The following ADAMTS6 variants were observed in gnomAD, a reference collection of about 807,000 sequenced individuals.
The protein encoded by ADAMTS6 is ADAM metallopeptidase with thrombospondin type 1 motif 6.
Under a neutral mutation model 144.3 loss-of-function variants are expected in ADAMTS6, and 23 were observed. That is an observed-to-expected ratio of 0.16 (90% CI 0.11 to 0.23). The LOEUF (loss-of-function observed/expected upper bound fraction) is 0.23, where lower values mean the gene tolerates loss of function less well. Among genes scored for constraint, ADAMTS6 ranks in the 10% least tolerant of loss-of-function variants. The pLI is 1.00. For synonymous variants in ADAMTS6, 444 were observed against 457.5 expected, an observed-to-expected ratio of 0.97 and a Z score of 0.38; for missense variants, 999 against 1,379.6, an observed-to-expected ratio of 0.72 and a Z score of 4.37.
At chr5:65,441,630 A>G (rs1757860307) in intron 7 of ADAMTS6, among the ~76,000 whole-genome samples, 1 of 152,154 alleles carries the variant, frequency 6.6e-6, no homozygotes, top group African/African-American at 2.4e-5. Context: ...CATTCTTTTC[A>G]AGCGCACCCA....
At chr5:65,244,949 A>G (rs1303184031) in intron 14 of ADAMTS6, among the ~76,000 whole-genome samples, 1 of 152,138 alleles carries the variant, frequency 6.6e-6, no homozygotes, top group Admixed American at 6.6e-5. Flanking sequence ...TTGTAAAATG[A>G]GAGGGATAAA....
chr5:65,427,218 T>C (rs1027813749), intron 7 of ADAMTS6, among the ~76,000 whole-genome samples: 4 of 152,056 alleles, frequency 2.6e-5, no homozygotes, highest in African/African-American at 9.7e-5. Flanking sequence ...ATTGAATAAA[T>C]TTTCTATTTT....
At chr5:65,270,488 C>A (rs149757232) in intron 12 of ADAMTS6, among the ~76,000 whole-genome samples, 89 of 152,264 alleles carry the variant, frequency 5.8e-4, no homozygotes, top group African/African-American at 2.0e-3. Flanking sequence ...CTTAAAAATG[C>A]AGGCTGATTT....
At chr5:65,157,033 C>T (rs1752466232) in intron 24 of ADAMTS6, among the ~76,000 whole-genome samples, 1 of 152,220 alleles carries the variant, frequency 6.6e-6, no homozygotes, top group Admixed American at 6.5e-5. Flanking sequence ...ACGGAGAATT[C>T]CCAAATTCTT....
rs78422686 is a variant in ADAMTS6 at position 65,297,115 on chromosome 5, G to C, written c.1370+2870C>G. 7.3e-3 allele frequency: 3,165 copies of C among 434,564 alleles called. 21 individuals are homozygous for C. The highest frequency in any genetic ancestry group is 0.011 in the Non-Finnish European group (2,439 of 219,138). 26.9% of individuals were successfully genotyped at this position (434,564 alleles called of 1,614,324 possible). ...AGATAGGAAAGACACTACCTGCAAA[G>C]CCGTCGCCGGAAAACATCAGAAGCT... On this transcript the variant is annotated intron_variant, in intron 10 of 24. Transcript: ENST00000381055.
intron 10 of ADAMTS6, among the ~76,000 whole-genome samples, chr5:65,297,715 C>T (rs1451167859): frequency 2.6e-5 from 4 of 152,044 alleles, no homozygotes; most frequent in African/African-American, 9.7e-5. Flanking sequence ...CTTTGTGCTC[C>T]GGTGAACTGA....
chr5:65,188,055 C>G lies in ADAMTS6; in HGVS notation c.2871G>C (p.Gln957His). The change falls in exon 22 of 25, where the codon CAG becomes CAC. Residue 957 changes from glutamine (Q) to histidine (H), a missense_variant. Gln to His is a conservative substitution (Grantham distance 24, BLOSUM62 0). Coordinates refer to ENST00000381055, the MANE Select transcript of ADAMTS6 (RefSeq NM_197941.4). ...AAGCCACCCACTGTGGTGGACATGACTGGTTGTTGCAGGGCTCTTTTTCGA... is the reference window on the plus strand; with the variant it reads ...AAGCCACCCACTGTGGTGGACATGAGTGGTTGTTGCAGGGCTCTTTTTCGA... ...RPVEKEPCNNQSCPPQWVALD... is the reference protein window; with the variant it reads ...RPVEKEPCNNHSCPPQWVALD... The G allele has an allele frequency of 6.2e-7, 1 of 1,614,138 alleles. No individual in the cohort carries two copies. Among genetic ancestry groups the G allele is most frequent in the Non-Finnish European group, 8.5e-7 (1 of 1,179,994 alleles).
At chr5:65,248,124 T>C (rs1759793401) in intron 14 of ADAMTS6, among the ~76,000 whole-genome samples, 1 of 152,162 alleles carries the variant, frequency 6.6e-6, no homozygotes, top group African/African-American at 2.4e-5. Context: ...CTTTTAAAAG[T>C]TGCAAACAAA....
At chr5:65,447,042 T>C (rs1758323187) in intron 7 of ADAMTS6, among the ~76,000 whole-genome samples, 1 of 152,172 alleles carries the variant, frequency 6.6e-6, no homozygotes, top group African/African-American at 2.4e-5. Flanking sequence ...TTACGTATTA[T>C]TATCTTAAAA....
chr5:65,320,960 T>C (rs1253983765), intron 9 of ADAMTS6, among the ~76,000 whole-genome samples: 1 of 152,138 alleles, frequency 6.6e-6, no homozygotes, highest in African/African-American at 2.4e-5. Context: ...TCGATGGCCA[T>C]TTAGGTTGAT....
intron 14 of ADAMTS6, among the ~76,000 whole-genome samples, chr5:65,256,923 C>G (rs1030774149): frequency 6.6e-6 from 1 of 150,380 alleles, no homozygotes; most frequent in Non-Finnish European, 1.5e-5. Context: ...CACTATCTGG[C>G]TTCACCCCTA....
intron 3 of ADAMTS6, among the ~76,000 whole-genome samples, chr5:65,465,259 T>G (rs1272872404): frequency 1.3e-5 from 2 of 152,172 alleles, no homozygotes; most frequent in Non-Finnish European, 2.9e-5. Context: ...CGATAGACAT[T>G]GCAAAACCTC....
At chr5:65,402,225 C>G (rs1229788096) in intron 7 of ADAMTS6, among the ~76,000 whole-genome samples, 2 of 152,090 alleles carry the variant, frequency 1.3e-5, no homozygotes, top group Non-Finnish European at 2.9e-5. Context: ...CTTCTTGCAT[C>G]TACTCCTATG....
At chr5:65,200,281 T>C (rs1755648498) in intron 20 of ADAMTS6, among the ~76,000 whole-genome samples, 1 of 152,188 alleles carries the variant, frequency 6.6e-6, no homozygotes, top group African/African-American at 2.4e-5. Flanking sequence ...TTTAAACACA[T>C]ACTTTTGAAT....
rs1412147838 is a variant in ADAMTS6 at position 65,149,834 on chromosome 5, A to G, written c.*2002T>C. The G allele has an allele frequency of 6.6e-6, 1 of 152,574 alleles. No homozygotes were observed. The highest frequency in any genetic ancestry group is 6.5e-5 in the Admixed American group (1 of 15,268). 9.5% of individuals were successfully genotyped at this position (152,574 alleles called of 1,614,324 possible). A position where few individuals can be genotyped will look rare whatever the true frequency, so the allele number is the denominator to read the frequency against. On this transcript the variant is annotated 3_prime_UTR_variant, in exon 25 of 25. Transcript: ENST00000381055. ...ACTACCCATGGGCTGTTTGCCCTTC[A>G]CTGAATGGCTAAGACGGCACTTGGG...
chr5:65,241,366 G>A (rs1490116907), intron 15 of ADAMTS6, among the ~76,000 whole-genome samples: 3 of 151,790 alleles, frequency 2.0e-5, no homozygotes, highest in African/African-American at 7.3e-5. Context: ...AAGTAGCTGG[G>A]ACTACAGGCA....
At chr5:65,322,310 T>C (rs1156470522) in intron 9 of ADAMTS6, among the ~76,000 whole-genome samples, 2 of 152,200 alleles carry the variant, frequency 1.3e-5, no homozygotes, top group East Asian at 1.9e-4. Flanking sequence ...ATGATGTCTC[T>C]AGCTTTGTTC....
intron 24 of ADAMTS6, among the ~76,000 whole-genome samples, chr5:65,167,455 C>G (rs1250335680): frequency 6.6e-6 from 1 of 152,152 alleles, no homozygotes. Flanking sequence ...ACCAGAGGTA[C>G]ACAGAGGAAC....
chr5:65,479,315 T>C (rs142938389), intron 1 of ADAMTS6, among the ~76,000 whole-genome samples: 1,641 of 152,308 alleles, frequency 0.011, 10 homozygotes, highest in Middle Eastern at 0.024. Flanking sequence ...ATTTGTGAGA[T>C]TGGTTTCCAA....
Sources: gnomAD v4.1 joint callset for allele counts (sites outside exome capture counted in the v4.1 genomes callset) on GRCh38, gnomAD v4.1.1 for gene constraint, MANE v1.5 for transcripts, NCBI Gene and HGNC (gene_info 2026-07-23, HGNC 2026-07-21) for gene names.